Variants in IPO11 observed in about 807,000 individuals in gnomAD.
The protein encoded by IPO11 is importin-11.
Under a neutral mutation model 143.2 loss-of-function variants are expected in IPO11, and 66 were observed. The observed-to-expected ratio is 0.46, with a 90% confidence interval of 0.38 to 0.57. The LOEUF is 0.57. Ranked by LOEUF, IPO11 falls within the 20% of genes least tolerant of loss-of-function variation. The pLI, the probability that IPO11 is intolerant of heterozygous loss-of-function variation, is 0.00. For missense variants in IPO11, 1,026 were observed against 1,141.0 expected (o/e 0.90, Z 1.45); for synonymous variants, 385 against 377.8 (o/e 1.02, Z -0.22).
Position 62,591,677 on chromosome 5 carries a change from G to C in IPO11, c.2678+5G>C. On this transcript the variant is annotated splice_donor_5th_base_variant and intron_variant, in intron 28 of 29. Transcript: ENST00000325324. ...TGAAACAGGAACTTATAAAGAGTAG[G>C]TGCATTATTTAATTAATCATAATTG... 1 of 1,572,254 alleles carries C rather than the reference G, an allele frequency of 6.4e-7. No homozygotes were observed. Among genetic ancestry groups the C allele is most frequent in the Non-Finnish European group, 8.7e-7 (1 of 1,154,756 alleles).
rs950619117 is a variant in IPO11, at chr5:62,435,130, A to G, written c.-6-2144A>G. Among the ~76,000 whole-genome samples the G allele has an allele frequency of 9.4e-5, 9 of 95,386 alleles. 1 individual carries two copies. Among genetic ancestry groups the G allele is most frequent in the African/African-American group, 4.9e-4 (8 of 16,320 alleles). The allele number at this position is 95,386 out of a possible 152,430, so 62.6% of individuals were successfully genotyped here. A position where few individuals can be genotyped will look rare whatever the true frequency, so the allele number is the denominator to read the frequency against. On this transcript the variant is annotated intron_variant, in intron 1 of 29. Transcript: ENST00000325324. ...TATATGTATATATGTATATATGTAT[A>G]TATATGTATATATGTATATATGTAT... is the stretch of plus-strand genomic sequence containing the variant.
At chr5:62,455,414 T>A (rs1745095961) in intron 5 of IPO11, among the ~76,000 whole-genome samples, 1 of 152,132 alleles carries the variant, frequency 6.6e-6, no homozygotes, top group South Asian at 2.1e-4. Flanking sequence ...TCCCAGCTAC[T>A]CAGGAGGCTG....
chr5:62,441,709 T>C (rs1286091822), intron 2 of IPO11, among the ~76,000 whole-genome samples: 1 of 150,140 alleles, frequency 6.7e-6, no homozygotes, highest in Non-Finnish European at 1.5e-5. Flanking sequence ...AGAGATGGGG[T>C]TTCATCATGT....
intron 8 of IPO11, 95 bp from the exon 9 acceptor site, chr5:62,476,588 A>G (rs894182024): frequency 7.6e-7 from 1 of 1,318,208 alleles, no homozygotes; most frequent in Non-Finnish European, 1.0e-6. Context: ...AAAATATGCA[A>G]AAATAAAACC....
At chr5:62,549,987 A>G (rs1373409209) in intron 24 of IPO11, among the ~76,000 whole-genome samples, 2 of 152,218 alleles carry the variant, frequency 1.3e-5, no homozygotes, top group Non-Finnish European at 2.9e-5. Context: ...CTGTTTAGCT[A>G]TCAAAAAGCC....
Position 62,435,144 on chromosome 5 carries a change from G to GTGTA in IPO11, c.-6-2129_-6-2128insGTAT, listed in dbSNP as rs1554047221. 2.9e-4 allele frequency among the ~76,000 whole-genome samples: 19 copies of GTGTA among 64,992 alleles called. 2 individuals carry two copies. Among genetic ancestry groups the GTGTA allele is most frequent in the African/African-American group, 1.1e-3 (19 of 17,252 alleles). 42.6% of individuals were successfully genotyped at this position (64,992 alleles called of 152,430 possible). On this transcript the variant is annotated intron_variant, in intron 1 of 29. Transcript: ENST00000325324. ...TATATATGTATATATATGTATATATGTATATATGTATATATATGTATATAT... is the reference window on the plus strand; with the variant it reads ...TATATATGTATATATATGTATATATGTGTATATATATGTATATATATGTATATAT...
chr5:62,477,618 C>T (rs1484667279), intron 9 of IPO11, among the ~76,000 whole-genome samples: 2 of 152,128 alleles, frequency 1.3e-5, no homozygotes, highest in African/African-American at 2.4e-5. Context: ...CAAAGTAAAA[C>T]AGGATGATGT....
chr5:62,623,019 C>T (rs1746429568), intron 29 of IPO11, among the ~76,000 whole-genome samples: 1 of 152,146 alleles, frequency 6.6e-6, no homozygotes, highest in South Asian at 2.1e-4. Context: ...TGATTGGTAT[C>T]TGCTGGACTC....
intron 7 of IPO11, 121 bp downstream of exon 7, chr5:62,470,429 T>A: frequency 2.4e-6 from 2 of 849,930 alleles, no homozygotes; most frequent in East Asian, 2.6e-5. Context: ...ACCATCTAGT[T>A]TTTTACCATT....
At chr5:62,531,145 C>T (rs72769148) in intron 22 of IPO11, among the ~76,000 whole-genome samples, 214 of 152,178 alleles carry the variant, frequency 1.4e-3, no homozygotes, top group Non-Finnish European at 2.7e-3. Context: ...TTTATTTAAT[C>T]CCTAATATTG....
intron 10 of IPO11, chr5:62,483,522 A>G (rs1746284905): frequency 2.5e-6 from 1 of 402,330 alleles, no homozygotes; most frequent in South Asian, 4.1e-5. Flanking sequence ...GTTGAAGCTT[A>G]GGGACTTTAA....
chr5:62,503,449 T>G (rs1325428729), intron 16 of IPO11, among the ~76,000 whole-genome samples: 2 of 146,062 alleles, frequency 1.4e-5, no homozygotes, highest in Non-Finnish European at 3.0e-5. Context: ...TAGATTCTAT[T>G]AATAGTTTAA....
chr5:62,510,784 A>G (rs895821530), intron 19 of IPO11, among the ~76,000 whole-genome samples: 1 of 152,000 alleles, frequency 6.6e-6, no homozygotes, highest in East Asian at 1.9e-4. Flanking sequence ...CACCCAAGCT[A>G]GAGTGCAATG....
intron 22 of IPO11, among the ~76,000 whole-genome samples, chr5:62,534,344 T>C (rs189933773): frequency 2.2e-3 from 336 of 152,292 alleles, no homozygotes; most frequent in African/African-American, 7.6e-3. Flanking sequence ...AGCTGGTAAC[T>C]TTCTATCAAA....
intron 27 of IPO11, among the ~76,000 whole-genome samples, chr5:62,575,549 T>C (rs1403285455): frequency 6.6e-6 from 1 of 152,162 alleles, no homozygotes; most frequent in African/African-American, 2.4e-5. Flanking sequence ...ATTGCCTCTC[T>C]GTTTTTGTCT....
At chr5:62,569,620 T>A (rs990425273) in intron 27 of IPO11, among the ~76,000 whole-genome samples, 3 of 152,218 alleles carry the variant, frequency 2.0e-5, no homozygotes, top group African/African-American at 7.2e-5. Context: ...AGGGGAGGGT[T>A]CTTTACAATT....
intron 19 of IPO11, among the ~76,000 whole-genome samples, chr5:62,511,171 C>T (rs1741736190): frequency 6.6e-6 from 1 of 151,616 alleles, no homozygotes; most frequent in African/African-American, 2.4e-5. Flanking sequence ...GTTTTATTAC[C>T]CTATTTGTAA....
At chr5:62,601,252 T>A (rs1745495842) in intron 28 of IPO11, 1 of 152,236 alleles carries the variant, frequency 6.6e-6, no homozygotes, top group Admixed American at 6.6e-5. Flanking sequence ...ATAAAATGAT[T>A]TATAACTACC....
intron 29 of IPO11, among the ~76,000 whole-genome samples, chr5:62,616,785 C>G (rs1172873093): frequency 6.6e-6 from 1 of 150,472 alleles, no homozygotes; most frequent in African/African-American, 2.5e-5. Flanking sequence ...AAATTAGCCT[C>G]ATAGCCAAAC....
Sources: gnomAD v4.1 joint callset for allele counts (sites outside exome capture counted in the v4.1 genomes callset) on GRCh38, gnomAD v4.1.1 for gene constraint, MANE v1.5 for transcripts, NCBI Gene and HGNC (gene_info 2026-07-23, HGNC 2026-07-21) for gene names.